Variants in ADAM19 observed in about 807,000 individuals in gnomAD.
The protein encoded by ADAM19 is disintegrin and metalloproteinase domain-containing protein 19.
ADAM19 carries 65 observed loss-of-function variants against 114.7 expected under a neutral mutation model. The observed-to-expected ratio is 0.57, with a 90% CI of 0.46 to 0.70. ADAM19 has a LOEUF of 0.70. Ranked by LOEUF, ADAM19 falls within the 30% of genes least tolerant of loss-of-function variation. The pLI, the probability that ADAM19 is intolerant of heterozygous loss-of-function variation, is 0.00. For missense variants in ADAM19, 1,063 were observed against 1,204.7 expected (o/e 0.88, Z 1.74); for synonymous variants, 466 against 460.5 (o/e 1.01, Z -0.15).
chr5:157,516,692 T>C (rs899789009), intron 7 of ADAM19, among the ~76,000 whole-genome samples: 2 of 152,088 alleles, frequency 1.3e-5, no homozygotes, highest in African/African-American at 2.4e-5. Context: ...CTCAAGACCA[T>C]TGTATCAGAT....
At chr5:157,570,731 G>A (rs916707263) in intron 2 of ADAM19, 164 bp downstream of exon 2, 2 of 576,064 alleles carry the variant, frequency 3.5e-6, no homozygotes, top group African/African-American at 3.7e-5. Flanking sequence ...TGTCATACAA[G>A]GAAGGAAAGT....
At chr5:157,499,329 G>C (rs1377934419) in intron 13 of ADAM19, among the ~76,000 whole-genome samples, 8 of 146,798 alleles carry the variant, frequency 5.4e-5, no homozygotes, top group African/African-American at 1.8e-4. Flanking sequence ...CTTTAAAAAA[G>C]AAAAAAAAAA....
At chr5:157,554,973 G>A (rs1246387261) in intron 3 of ADAM19, among the ~76,000 whole-genome samples, 1 of 152,178 alleles carries the variant, frequency 6.6e-6, no homozygotes, top group Non-Finnish European at 1.5e-5. Flanking sequence ...CCTGGGAAAG[G>A]TAGGAGGAAA....
intron 2 of ADAM19, among the ~76,000 whole-genome samples, chr5:157,569,423 T>C (rs1461513282): frequency 5.6e-5 from 8 of 141,696 alleles, no homozygotes; most frequent in South Asian, 2.3e-4. Flanking sequence ...TTTCTTTTTT[T>C]TTTTTTTTTT....
intron 4 of ADAM19, among the ~76,000 whole-genome samples, chr5:157,535,531 G>A (rs1756738950): frequency 6.6e-6 from 1 of 152,370 alleles, no homozygotes; most frequent in Middle Eastern, 3.4e-3. Flanking sequence ...TCTAGTAGCA[G>A]GGGATGTAAG....
intron 4 of ADAM19, among the ~76,000 whole-genome samples, chr5:157,531,804 TG>T (rs1756632857): frequency 6.6e-6 from 1 of 151,436 alleles, no homozygotes; most frequent in South Asian, 2.1e-4. Flanking sequence ...CATTTGAAGA[TG>T]GGGGCAGAGA....
chr5:157,501,319 A>G (rs922364235), intron 12 of ADAM19, among the ~76,000 whole-genome samples: 2 of 152,084 alleles, frequency 1.3e-5, no homozygotes, highest in Admixed American at 1.3e-4. Context: ...CACCTCCCAC[A>G]CAAGCAAGGA....
intron 5 of ADAM19, among the ~76,000 whole-genome samples, chr5:157,523,196 AGCCTCTGT>A (rs1756353635): frequency 6.6e-6 from 1 of 152,208 alleles, no homozygotes; most frequent in Non-Finnish European, 1.5e-5. Context: ...CCATCCCCTT[AGCCTCTGT>A]GCTTTCTGCC....
At position 157,510,249 on chromosome 5, in the gene ADAM19, T is replaced by G. The variant is rs1234955768; in HGVS notation, c.739-782A>C. Among the ~76,000 whole-genome samples, 5 of 152,174 alleles carry G rather than the reference T, an allele frequency of 3.3e-5. No homozygotes were observed. In the East Asian group the frequency reaches 9.6e-4, roughly 29 times the overall value. ...CAGCACTCTGGGAGGCTAAGGTGGA[T>G]GGATCACATGAGGTCGGGAGTTCGA... On this transcript the variant is annotated intron_variant, in intron 8 of 22. Coordinates refer to ENST00000257527, the MANE Select transcript of ADAM19 (RefSeq NM_033274.5).
chr5:157,519,983 G>A lies in ADAM19; in HGVS notation c.456C>T (p.Leu152=). 6.2e-7 allele frequency: 1 copy of A among 1,614,190 alleles called. No individual in the cohort carries two copies. Among genetic ancestry groups the A allele is most frequent in the African/African-American group, 1.3e-5 (1 of 75,056 alleles). The part of the protein sequence containing the change: ...SSNLSYVIEP[L]PDSKGQHLIY... ...TAAGGTGTTGGCCCTTGCTGTCAGG[G>A]AGGGGCTCGATGACGTAGCTGAGGT... The change falls in exon 6 of 23, where the codon CTC becomes CTT. Residue 152 remains leucine (L), a synonymous_variant. Coordinates refer to ENST00000257527, the MANE Select transcript of ADAM19 (RefSeq NM_033274.5).
At chr5:157,490,891 CA>C (rs34600745) in intron 18 of ADAM19, among the ~76,000 whole-genome samples, 105 of 110,336 alleles carry the variant, frequency 9.5e-4, no homozygotes, top group South Asian at 6.3e-3. Flanking sequence ...GACTCCGTCT[CA>C]AAAAAAAAAA....
intron 14 of ADAM19, 78 bp from the exon 15 acceptor site, chr5:157,494,873 A>T: frequency 8.5e-7 from 1 of 1,180,784 alleles, no homozygotes; most frequent in South Asian, 1.3e-5. Flanking sequence ...TGGTAAAGTC[A>T]TGAAGGTAAG....
chr5:157,523,738 AG>A (rs927694703), intron 5 of ADAM19, among the ~76,000 whole-genome samples: 5 of 152,190 alleles, frequency 3.3e-5, no homozygotes, highest in Non-Finnish European at 5.9e-5. Context: ...ATTCCTTTAT[AG>A]CAACACAAAT....
intron 12 of ADAM19, among the ~76,000 whole-genome samples, chr5:157,502,482 A>C (rs1387962098): frequency 1.3e-5 from 2 of 152,210 alleles, no homozygotes; most frequent in African/African-American, 4.8e-5. Flanking sequence ...AATTCCGTGC[A>C]GCTGGAGGGC....
chr5:157,554,547 C>CA (rs1369557317), intron 3 of ADAM19, among the ~76,000 whole-genome samples: 8 of 152,212 alleles, frequency 5.3e-5, no homozygotes. Flanking sequence ...TTTCGAGATA[C>CA]AATTAGGTCA....
chr5:157,483,085 A>G (rs1754809909), intron 21 of ADAM19, among the ~76,000 whole-genome samples: 1 of 152,194 alleles, frequency 6.6e-6, no homozygotes, highest in Non-Finnish European at 1.5e-5. Flanking sequence ...GGGGAGGGAT[A>G]GCATTAGGAG....
chr5:157,551,417 A>AAG (rs1238950412), intron 3 of ADAM19, among the ~76,000 whole-genome samples: 2 of 150,482 alleles, frequency 1.3e-5, no homozygotes, highest in Non-Finnish European at 3.0e-5. Context: ...AACCCCAAAA[A>AAG]AAAAAAAAAA....
rs975253516 is a variant in ADAM19, at chr5:157,509,429, G to A, written c.777C>T (p.Gly259=). The A allele has an allele frequency of 1.9e-6, 3 of 1,610,330 alleles. No homozygotes were observed. Among genetic ancestry groups the A allele is most frequent in the Non-Finnish European group, 2.5e-6 (3 of 1,177,988 alleles). The stretch of plus-strand genomic sequence containing the variant: ...TGTTCCCGTGGGTCCACACTTCCAA[G>A]CCCACGAGAGCAATCCGGATGTTCA... ...RSLNIRIALV[G]LEVWTHGNMC... is the part of the protein sequence containing the mutation. Residue 259 remains glycine, a synonymous_variant, in exon 9 of 23, where the codon GGC becomes GGT. Coordinates refer to ENST00000257527, the MANE Select transcript of ADAM19 (RefSeq NM_033274.5).
chr5:157,528,269 A>G (rs1360327710), intron 5 of ADAM19, among the ~76,000 whole-genome samples: 1 of 152,194 alleles, frequency 6.6e-6, no homozygotes, highest in Non-Finnish European at 1.5e-5. Context: ...GGACCTCACC[A>G]GACGGAAGCA....
Sources: allele counts gnomAD v4.1 joint callset (sites outside exome capture counted in the v4.1 genomes callset), GRCh38; gene constraint gnomAD v4.1.1; transcripts MANE v1.5; gene names NCBI Gene and HGNC (gene_info 2026-07-23, HGNC 2026-07-21).